The following STXBP6 variants were observed in gnomAD, a reference collection of about 807,000 sequenced individuals.
STXBP6 encodes the protein syntaxin-binding protein 6.
Under a neutral mutation model 26.9 loss-of-function variants are expected in STXBP6, and 21 were observed. The observed-to-expected ratio is 0.78, with a 90% CI of 0.55 to 1.12. The LOEUF (loss-of-function observed/expected upper bound fraction) is 1.12, where lower values mean the gene tolerates loss of function less well. Among genes scored for constraint, STXBP6 ranks in the 50% most tolerant of loss-of-function variants. The pLI, the probability that STXBP6 is intolerant of heterozygous loss-of-function variation, is 0.00. For synonymous variants in STXBP6, 97 were observed against 92.6 expected (o/e 1.05, Z -0.27); for missense variants, 232 against 257.9 (o/e 0.90, Z 0.69).
At chr14:24,873,158 A>C (rs761585650) in intron 2 of STXBP6, among the ~76,000 whole-genome samples, 1 of 152,246 alleles carries the variant, frequency 6.6e-6, no homozygotes, top group Non-Finnish European at 1.5e-5. Flanking sequence ...CTAAATTCAG[A>C]ACGCATAAGC....
rs1397178620 is a variant in STXBP6 at position 25,041,651 on chromosome 14, T to G, written c.-33+8227A>C. On this transcript the variant is annotated intron_variant, in intron 1 of 5. Transcript: ENST00000323944. ...TAGTCACCAGAGCGGTTATGGAAAG[T>G]GACTAGACTGCAGCACACATATTCA... 2.6e-5 allele frequency among the ~76,000 whole-genome samples: 4 copies of G among 152,116 alleles called. No individual in the cohort carries two copies. In the East Asian group the frequency reaches 7.7e-4, roughly 29 times the overall value.
At chr14:24,913,422 T>C (rs530277603) in intron 2 of STXBP6, among the ~76,000 whole-genome samples, 2 of 152,212 alleles carry the variant, frequency 1.3e-5, no homozygotes, top group Non-Finnish European at 2.9e-5. Context: ...CTATATATAA[T>C]ATGTATCAAA....
At chr14:24,981,947 T>C (rs745576386) in intron 1 of STXBP6, among the ~76,000 whole-genome samples, 94 of 152,340 alleles carry the variant, frequency 6.2e-4, no homozygotes, top group Non-Finnish European at 1.1e-3. Context: ...ACAAGGAGGT[T>C]ATAAAACAGA....
chr14:24,926,445 T>C (rs2072174221), intron 2 of STXBP6, among the ~76,000 whole-genome samples: 1 of 152,290 alleles, frequency 6.6e-6, no homozygotes, highest in East Asian at 1.9e-4. Flanking sequence ...TCTTCTATTT[T>C]GGACGAACAA....
At position 24,855,977 on chromosome 14, in the gene STXBP6, C is replaced by T. The variant is rs1283665328; in HGVS notation, c.410G>A (p.Arg137Lys). The change falls in exon 4 of 6, where the codon AGG becomes AAG. Residue 137 changes from arginine (R) to lysine (K), a missense_variant. Transcript: ENST00000323944. Reference sequence around the variant, plus strand: ...TTGGCAGTTAATAAACTCTGGCTTCCTGTCCGTGAGGTACCTCTGGCAGGT... The same window carrying T: ...TTGGCAGTTAATAAACTCTGGCTTCTTGTCCGTGAGGTACCTCTGGCAGGT... ...HHTCQRYLTD[R>K]KPEFINCQSK... 1 of 1,607,972 alleles carries T rather than the reference C, an allele frequency of 6.2e-7. No individual in the cohort carries two copies. Among genetic ancestry groups the T allele is most frequent in the East Asian group, 2.2e-5 (1 of 44,606 alleles).
intron 2 of STXBP6, among the ~76,000 whole-genome samples, chr14:24,944,186 G>A (rs192205287): frequency 6.0e-4 from 91 of 152,218 alleles, no homozygotes; most frequent in African/African-American, 2.0e-3. Context: ...ATTCAAAGAC[G>A]GAGAAACAGT....
intron 4 of STXBP6, among the ~76,000 whole-genome samples, chr14:24,836,975 T>C (rs577768902): frequency 6.6e-6 from 1 of 152,352 alleles, no homozygotes; most frequent in Non-Finnish European, 1.5e-5. Flanking sequence ...AATCATTTCC[T>C]TTTGTGGACT....
intron 4 of STXBP6, among the ~76,000 whole-genome samples, chr14:24,844,403 C>A (rs968023513): frequency 6.6e-6 from 1 of 152,222 alleles, no homozygotes; most frequent in Non-Finnish European, 1.5e-5. Flanking sequence ...GTAGCCAAGT[C>A]GGACAGACGT....
intron 5 of STXBP6, among the ~76,000 whole-genome samples, chr14:24,814,106 G>C (rs1173390240): frequency 6.6e-6 from 1 of 152,200 alleles, no homozygotes; most frequent in Non-Finnish European, 1.5e-5. Flanking sequence ...TCAGACACAG[G>C]GTTTGGGAAG....
intron 4 of STXBP6, among the ~76,000 whole-genome samples, chr14:24,853,436 T>C (rs2069223938): frequency 6.6e-6 from 1 of 152,180 alleles, no homozygotes; most frequent in Non-Finnish European, 1.5e-5. Context: ...ATGCTTAATT[T>C]AAACCTTTTT....
At chr14:24,837,665 G>A (rs987082902) in intron 4 of STXBP6, among the ~76,000 whole-genome samples, 15 of 152,090 alleles carry the variant, frequency 9.9e-5, no homozygotes, top group Admixed American at 7.9e-4. Context: ...TGCTCATTTC[G>A]GCAAAGGCTA....
Position 24,819,146 on chromosome 14 carries a change from T to C in STXBP6, c.500A>G (p.Gln167Arg), listed in dbSNP as rs747699808. ...SAADSVTSAV[Q>R]KASQALNERG... is the part of the protein sequence containing the mutation. ...CTCATTCAAGGCCTGGCTTGCCTTC[T>C]GCACTGCGCTGGTCACGCTGTCAGC... is the stretch of plus-strand genomic sequence containing the variant. The change falls in exon 5 of 6, where the codon CAG becomes CGG. Residue 167 changes from glutamine to arginine, a missense_variant. Gln to Arg is a conservative substitution (Grantham distance 43, BLOSUM62 1). Coordinates refer to ENST00000323944, the MANE Select transcript of STXBP6 (RefSeq NM_001394410.1). 4 of 1,614,156 alleles carry C rather than the reference T, an allele frequency of 2.5e-6. No individual in the cohort carries two copies. The highest frequency in any genetic ancestry group is 2.2e-5 in the East Asian group (1 of 44,880).
At chr14:24,871,046 T>C (rs1054283599) in intron 2 of STXBP6, among the ~76,000 whole-genome samples, 2 of 152,144 alleles carry the variant, frequency 1.3e-5, no homozygotes, top group African/African-American at 2.4e-5. Flanking sequence ...AAAAATGTAA[T>C]TGACATTTGA....
intron 1 of STXBP6, among the ~76,000 whole-genome samples, chr14:24,999,790 G>A (rs1370877783): frequency 1.3e-5 from 2 of 152,096 alleles, no homozygotes; most frequent in Non-Finnish European, 2.9e-5. Context: ...AAAGCCCAGA[G>A]GGGAGACAAA....
intron 1 of STXBP6, among the ~76,000 whole-genome samples, chr14:25,021,399 C>T (rs1427717935): frequency 1.3e-5 from 2 of 152,188 alleles, no homozygotes; most frequent in African/African-American, 4.8e-5. Flanking sequence ...GCCTTTAAAG[C>T]ACTCCAACTC....
At chr14:24,921,948 A>G (rs1183717955) in intron 2 of STXBP6, among the ~76,000 whole-genome samples, 3 of 151,756 alleles carry the variant, frequency 2.0e-5, no homozygotes, top group Non-Finnish European at 4.4e-5. Context: ...GCCCTTGGTA[A>G]TACACCCAGT....
chr14:24,983,441 A>G (rs898192881), intron 1 of STXBP6, among the ~76,000 whole-genome samples: 4 of 152,228 alleles, frequency 2.6e-5, no homozygotes, highest in African/African-American at 9.6e-5. Context: ...TTAACATGAA[A>G]ATAAACATTT....
intron 2 of STXBP6, among the ~76,000 whole-genome samples, chr14:24,863,368 T>C (rs888655569): frequency 5.4e-4 from 82 of 152,280 alleles, no homozygotes; most frequent in African/African-American, 1.9e-3. Context: ...GGCTGCTTCT[T>C]TGATGCCTTT....
intron 1 of STXBP6, among the ~76,000 whole-genome samples, chr14:25,036,788 G>A (rs1202181737): frequency 1.3e-5 from 2 of 150,510 alleles, no homozygotes; most frequent in Admixed American, 6.6e-5. Context: ...CCCAGGAGGC[G>A]GAGCTTGCAG....
Sources: allele counts gnomAD v4.1 joint callset (sites outside exome capture counted in the v4.1 genomes callset), GRCh38; gene constraint gnomAD v4.1.1; transcripts MANE v1.5; gene names NCBI Gene and HGNC (gene_info 2026-07-23, HGNC 2026-07-21).